KIAA0930: variants seen among roughly 807,000 people sequenced by gnomAD.
KIAA0930 encodes uncharacterized protein KIAA0930.
A neutral mutation model predicts 43.9 loss-of-function variants in KIAA0930; 24 were observed. That is an observed-to-expected ratio of 0.55 (90% CI 0.40 to 0.77). The LOEUF (loss-of-function observed/expected upper bound fraction) is 0.77. Ranked by LOEUF, KIAA0930 falls within the 30% of genes least tolerant of loss-of-function variation. KIAA0930 has a pLI of 0.00. For missense variants in KIAA0930, 461 were observed against 574.2 expected (o/e 0.80, Z 2.02); for synonymous variants, 259 against 216.4 (o/e 1.20, Z -1.73).
At chr22:45,208,567 G>A (rs1042911285) in intron 2 of KIAA0930, among the ~76,000 whole-genome samples, 3 of 127,780 alleles carry the variant, frequency 2.3e-5, no homozygotes, top group Admixed American at 7.8e-5. Flanking sequence ...CGCCCGGGAA[G>A]TTTGAGGAGA....
intron 1 of KIAA0930, among the ~76,000 whole-genome samples, chr22:45,214,958 C>T (rs534830078): frequency 6.6e-6 from 1 of 151,956 alleles, no homozygotes; most frequent in East Asian, 1.9e-4. Flanking sequence ...TGGCTCACAC[C>T]TGTAATTCCA....
At chr22:45,202,145 C>G (rs375146030) in intron 7 of KIAA0930, among the ~76,000 whole-genome samples, 60 of 152,366 alleles carry the variant, frequency 3.9e-4, no homozygotes, top group African/African-American at 1.4e-3. Context: ...CTGGGCAAGA[C>G]TGCCCCTGGA....
At chr22:45,213,754 C>A (rs1030301177) in intron 1 of KIAA0930, among the ~76,000 whole-genome samples, 1 of 152,210 alleles carries the variant, frequency 6.6e-6, no homozygotes, top group Non-Finnish European at 1.5e-5. Flanking sequence ...TCATGCCTGT[C>A]ATCCCAGTAC....
At chr22:45,230,897 T>G (rs1031147387) in intron 1 of KIAA0930, among the ~76,000 whole-genome samples, 2 of 152,026 alleles carry the variant, frequency 1.3e-5, no homozygotes, top group Admixed American at 1.3e-4. Flanking sequence ...CACTTCTTTA[T>G]CCAGTCAGAC....
chr22:45,194,005 G>T lies in KIAA0930; in HGVS notation c.*3171C>A, dbSNP rs555611694. 61 of 138,426 alleles carry T rather than the reference G, an allele frequency of 4.4e-4. No individual in the cohort carries two copies. Among genetic ancestry groups the T allele is most frequent in the African/African-American group, 1.6e-3 (60 of 37,712 alleles). The allele number at this position is 138,426 out of a possible 1,614,324, so 8.6% of individuals were successfully genotyped here. A position where few individuals can be genotyped will look rare whatever the true frequency, so the allele number is the denominator to read the frequency against. On this transcript the variant is annotated 3_prime_UTR_variant, in exon 10 of 10. Coordinates refer to ENST00000336156, the MANE Select transcript of KIAA0930 (RefSeq NM_001009880.2). ...CTGTGCTTCAATCCCAAATCCCCTT[G>T]AGACCAACATGCCTTAAAGGGGGTT... is the stretch of plus-strand genomic sequence containing the variant.
Position 45,237,236 on chromosome 22 carries a change from C to T in KIAA0930, c.64+3404G>A, listed in dbSNP as rs186840814. ...TGGATGCAACACCAAAATCTTGCTCCGGGCAGCCGCAGCCCCACTGCTTCC... is the reference window on the plus strand; with the variant it reads ...TGGATGCAACACCAAAATCTTGCTCTGGGCAGCCGCAGCCCCACTGCTTCC... On this transcript the variant is annotated intron_variant, in intron 1 of 9. Coordinates refer to ENST00000336156, the MANE Select transcript of KIAA0930 (RefSeq NM_001009880.2). Among the ~76,000 whole-genome samples, 536 of 152,364 alleles carry T rather than the reference C, an allele frequency of 3.5e-3. 1 individual carries two copies. Among genetic ancestry groups the T allele is most frequent in the African/African-American group, 0.012 (507 of 41,584 alleles).
At chr22:45,212,973 T>A (rs762696139) in intron 1 of KIAA0930, among the ~76,000 whole-genome samples, 3 of 152,182 alleles carry the variant, frequency 2.0e-5, no homozygotes, top group African/African-American at 7.2e-5. Flanking sequence ...CTCTCTCTTA[T>A]CAACTCAGTA....
intron 1 of KIAA0930, among the ~76,000 whole-genome samples, chr22:45,231,928 T>C (rs1601827351): frequency 1.3e-5 from 2 of 152,124 alleles, no homozygotes; most frequent in African/African-American, 4.8e-5. Context: ...GAGGCGGAGC[T>C]TGCAGTGAGC....
Position 45,240,744 on chromosome 22 carries a change from G to A in KIAA0930, c.-41C>T. On this transcript the variant is annotated 5_prime_UTR_variant, in exon 1 of 10. Coordinates refer to ENST00000336156, the MANE Select transcript of KIAA0930 (RefSeq NM_001009880.2). ...CTCCTCGGCCTCGGCGCCGCCCGCA[G>A]GCTCGGGGGCGGCGGCGGCGGGGAG... 1 of 1,091,920 alleles carries A rather than the reference G, an allele frequency of 9.2e-7. No individual in the cohort carries two copies. 67.6% of individuals were successfully genotyped at this position (1,091,920 alleles called of 1,614,324 possible).
intron 1 of KIAA0930, among the ~76,000 whole-genome samples, chr22:45,220,228 G>A (rs2083759248): frequency 6.6e-6 from 1 of 152,170 alleles, no homozygotes; most frequent in East Asian, 1.9e-4. Context: ...CGAGGCAGGA[G>A]GATTACCTGA....
At chr22:45,227,086 A>G (rs1051113499) in intron 1 of KIAA0930, among the ~76,000 whole-genome samples, 1 of 152,224 alleles carries the variant, frequency 6.6e-6, no homozygotes, top group African/African-American at 2.4e-5. Flanking sequence ...CCAGGCACAC[A>G]GCTGGACCCA....
At chr22:45,205,521 G>A (rs1170820931) in intron 4 of KIAA0930, 109 bp downstream of exon 4, 4 of 1,105,176 alleles carry the variant, frequency 3.6e-6, no homozygotes, top group East Asian at 4.8e-5. Context: ...TCTGGAGTCA[G>A]ACCCCTCACC....
At chr22:45,229,864 C>T (rs1398404046) in intron 1 of KIAA0930, among the ~76,000 whole-genome samples, 3 of 152,292 alleles carry the variant, frequency 2.0e-5, no homozygotes, top group Middle Eastern at 3.4e-3. Context: ...GAGGCCAAGG[C>T]GGGTGGATCA....
At chr22:45,213,236 T>C in intron 1 of KIAA0930, 1 of 1,138,754 alleles carries the variant, frequency 8.8e-7, no homozygotes, top group Admixed American at 2.4e-5. Context: ...GAACCAGGAC[T>C]CACAGCCAGC....
intron 2 of KIAA0930, 67 bp downstream of exon 2, chr22:45,211,889 A>G: frequency 6.6e-7 from 1 of 1,514,550 alleles, no homozygotes; most frequent in East Asian, 2.3e-5. Context: ...CCACATGTAC[A>G]CCGAGAGCAG....
rs912643681 is a variant in KIAA0930 at position 45,224,365 on chromosome 22, T to C, written c.65-12258A>G. ...GAATAACTTCGTCCTGTTTTACAAATACTCTGCGGCATGTTTACAAATACA... is the reference window on the plus strand; with the variant it reads ...GAATAACTTCGTCCTGTTTTACAAACACTCTGCGGCATGTTTACAAATACA... On this transcript the variant is annotated intron_variant, in intron 1 of 9. Coordinates refer to ENST00000336156, the MANE Select transcript of KIAA0930 (RefSeq NM_001009880.2). 2.0e-5 allele frequency among the ~76,000 whole-genome samples: 3 copies of C among 152,202 alleles called. No homozygotes were observed. In the East Asian group the frequency reaches 5.8e-4, roughly 29 times the overall value.
intron 7 of KIAA0930, 34 bp downstream of exon 7, chr22:45,202,956 T>C (rs1380111367): frequency 6.5e-7 from 1 of 1,545,938 alleles, no homozygotes; most frequent in Non-Finnish European, 8.8e-7. Flanking sequence ...ACTTGACGGA[T>C]GGGAGCCCCC....
At chr22:45,230,203 C>A (rs1400740038) in intron 1 of KIAA0930, among the ~76,000 whole-genome samples, 1 of 152,138 alleles carries the variant, frequency 6.6e-6, no homozygotes, top group East Asian at 1.9e-4. Context: ...TCTTGGCCTG[C>A]GGCTGAGGAG....
intron 1 of KIAA0930, among the ~76,000 whole-genome samples, chr22:45,228,734 C>G (rs866009969): frequency 9.4e-6 from 1 of 106,516 alleles, no homozygotes; most frequent in Non-Finnish European, 1.9e-5. Context: ...AGATCCCTCT[C>G]CACCCCCCTA....
Sources: allele counts gnomAD v4.1 joint callset (sites outside exome capture counted in the v4.1 genomes callset), GRCh38; gene constraint gnomAD v4.1.1; transcripts MANE v1.5; gene names NCBI Gene and HGNC (gene_info 2026-07-23, HGNC 2026-07-21).